DTNB: variants seen among roughly 807,000 people sequenced by gnomAD.
DTNB encodes dystrobrevin beta.
Under a neutral mutation model 90.7 loss-of-function variants are expected in DTNB, and 63 were observed. The observed-to-expected ratio is 0.69, with a 90% CI of 0.57 to 0.86. The LOEUF (loss-of-function observed/expected upper bound fraction) is 0.86, where lower values mean the gene tolerates loss of function less well. Among genes scored for constraint, DTNB ranks in the 40% least tolerant of loss-of-function variants. The pLI is 0.00. For missense variants in DTNB, 744 were observed against 807.1 expected (o/e 0.92, Z 0.95); for synonymous variants, 277 against 286.7 (o/e 0.97, Z 0.34).
intron 16 of DTNB, among the ~76,000 whole-genome samples, chr2:25,393,921 AG>A (rs1186993559): frequency 6.6e-6 from 1 of 152,174 alleles, no homozygotes; most frequent in Non-Finnish European, 1.5e-5. Flanking sequence ...GAACCAAAAA[AG>A]AGCCCACATA....
intron 8 of DTNB, among the ~76,000 whole-genome samples, chr2:25,535,891 G>C (rs1452276187): frequency 6.7e-6 from 1 of 148,336 alleles, no homozygotes; most frequent in Admixed American, 6.7e-5. Flanking sequence ...CGGCCAGGCA[G>C]AGGTGCTCCT....
intron 6 of DTNB, among the ~76,000 whole-genome samples, chr2:25,590,404 C>T (rs972525126): frequency 6.6e-6 from 1 of 152,136 alleles, no homozygotes; most frequent in African/African-American, 2.4e-5. Context: ...TAGAACAGTT[C>T]GGAGGAGACT....
intron 16 of DTNB, among the ~76,000 whole-genome samples, chr2:25,410,325 T>A (rs1329399734): frequency 6.6e-6 from 1 of 151,986 alleles, no homozygotes; most frequent in East Asian, 1.9e-4. Context: ...CATTGATGAG[T>A]GATGAAAAAT....
At chr2:25,640,143 C>T (rs982798897) in intron 2 of DTNB, among the ~76,000 whole-genome samples, 1 of 152,142 alleles carries the variant, frequency 6.6e-6, no homozygotes, top group African/African-American at 2.4e-5. Flanking sequence ...AGAACAAAGC[C>T]TAAAATTATA....
At chr2:25,478,104 C>T in intron 10 of DTNB, among the ~76,000 whole-genome samples, 1 of 151,372 alleles carries the variant, frequency 6.6e-6, no homozygotes, top group Non-Finnish European at 1.5e-5. Flanking sequence ...ATATGCCATG[C>T]TATCTGTTAC....
intron 1 of DTNB, among the ~76,000 whole-genome samples, chr2:25,655,253 A>G (rs1234190863): frequency 6.6e-6 from 1 of 152,134 alleles, no homozygotes; most frequent in Non-Finnish European, 1.5e-5. Context: ...TCCTCTTACT[A>G]CAAGAGGGCG....
chr2:25,609,595 CAAAAAA>C (rs34804799), intron 4 of DTNB, among the ~76,000 whole-genome samples: 2 of 109,220 alleles, frequency 1.8e-5, no homozygotes, highest in East Asian at 3.1e-4. Flanking sequence ...GAAACTCTTT[CAAAAAA>C]AAAAAAAAAA....
intron 1 of DTNB, among the ~76,000 whole-genome samples, chr2:25,664,417 T>C (rs1368210375): frequency 1.3e-5 from 2 of 152,236 alleles, no homozygotes; most frequent in African/African-American, 4.8e-5. Flanking sequence ...TAATATGATC[T>C]GAAAGACCAC....
At chr2:25,500,327 G>A (rs2070252492) in intron 9 of DTNB, among the ~76,000 whole-genome samples, 1 of 152,192 alleles carries the variant, frequency 6.6e-6, no homozygotes. Flanking sequence ...ATTCAAAGAA[G>A]GCTGGTAGAT....
At chr2:25,435,570 C>G (rs574223030) in intron 12 of DTNB, among the ~76,000 whole-genome samples, 2 of 152,324 alleles carry the variant, frequency 1.3e-5, no homozygotes, top group South Asian at 2.1e-4. Flanking sequence ...CATATCAGTA[C>G]TTCATTCCCT....
intron 4 of DTNB, among the ~76,000 whole-genome samples, chr2:25,608,141 T>G (rs927126830): frequency 3.3e-5 from 5 of 152,264 alleles, no homozygotes; most frequent in African/African-American, 9.6e-5. Context: ...ATGTGCTTTT[T>G]GTGTTAATTT....
intron 9 of DTNB, among the ~76,000 whole-genome samples, chr2:25,510,160 C>T (rs2073626321): frequency 6.6e-6 from 1 of 151,902 alleles, no homozygotes; most frequent in South Asian, 2.1e-4. Flanking sequence ...TCTGGAATTC[C>T]AATTATCTGT....
At chr2:25,385,050 G>A (rs2039082424) in intron 18 of DTNB, among the ~76,000 whole-genome samples, 1 of 151,686 alleles carries the variant, frequency 6.6e-6, no homozygotes, top group African/African-American at 2.4e-5. Context: ...GGCTAATTTT[G>A]TATTTTTAGT....
chr2:25,483,282 C>T (rs985122342), intron 9 of DTNB, among the ~76,000 whole-genome samples: 15 of 152,116 alleles, frequency 9.9e-5, no homozygotes, highest in Admixed American at 8.5e-4. Context: ...CTACATTTTA[C>T]GTACAAGATT....
chr2:25,490,821 ATTAT>A, intron 9 of DTNB, among the ~76,000 whole-genome samples: 1 of 152,284 alleles, frequency 6.6e-6, no homozygotes, highest in East Asian at 1.9e-4. Context: ...CTTTAAATAC[ATTAT>A]TTATGCTGTC....
chr2:25,448,769 G>A (rs906066193), intron 12 of DTNB, among the ~76,000 whole-genome samples: 9 of 151,156 alleles, frequency 6.0e-5, no homozygotes, highest in African/African-American at 2.2e-4. Context: ...CAGGAGAATG[G>A]TGTGAACCCA....
intron 8 of DTNB, among the ~76,000 whole-genome samples, chr2:25,554,400 A>G (rs774330579): frequency 4.6e-5 from 7 of 152,172 alleles, no homozygotes; most frequent in Non-Finnish European, 1.0e-4. Context: ...AAATTTATTG[A>G]GAATTTTACT....
intron 7 of DTNB, among the ~76,000 whole-genome samples, chr2:25,580,218 T>C (rs918081531): frequency 1.3e-5 from 2 of 151,992 alleles, no homozygotes; most frequent in African/African-American, 4.8e-5. Flanking sequence ...TGATCACAAG[T>C]GATCCACCCG....
chr2:25,614,244 G>C (rs552095514), intron 4 of DTNB, among the ~76,000 whole-genome samples: 2 of 152,238 alleles, frequency 1.3e-5, no homozygotes, highest in East Asian at 3.9e-4. Context: ...AAGAAAGACT[G>C]AGTGCTTGTC....
Sources: allele counts gnomAD v4.1 joint callset (sites outside exome capture counted in the v4.1 genomes callset), GRCh38; gene constraint gnomAD v4.1.1; transcripts MANE v1.5; gene names NCBI Gene and HGNC (gene_info 2026-07-23, HGNC 2026-07-21).